Variants in CHL1 observed in about 807,000 individuals in gnomAD.
CHL1 encodes cell adhesion molecule L1 like, also known as neural cell adhesion molecule L1-like protein.
Under a neutral mutation model 141.9 loss-of-function variants are expected in CHL1, and 96 were observed. The observed-to-expected ratio is 0.68, with a 90% CI of 0.57 to 0.80. The LOEUF is 0.80. CHL1 is among the 30% of genes least tolerant of loss of function. The pLI, the probability that CHL1 is intolerant of heterozygous loss-of-function variation, is 0.00. For synonymous variants in CHL1, 613 were observed against 502.2 expected (o/e 1.22, Z -2.95); for missense variants, 1,820 against 1,457.2 (o/e 1.25, Z -4.05).
At chr3:267,849 A>C (rs1695289571) in intron 2 of CHL1, among the ~76,000 whole-genome samples, 1 of 152,236 alleles carries the variant, frequency 6.6e-6, no homozygotes, top group Non-Finnish European at 1.5e-5. Context: ...ATATAAAGCA[A>C]ATTAAGAAGC....
At chr3:198,341 G>T (rs1442338270) in intron 1 of CHL1, among the ~76,000 whole-genome samples, 2 of 151,910 alleles carry the variant, frequency 1.3e-5, no homozygotes, top group Non-Finnish European at 2.9e-5. Context: ...TGCCAGGCGC[G>T]TGCGCGAGGG....
At position 391,791 on chromosome 3, in the gene CHL1, C is replaced by T; in HGVS notation, c.2908C>T (p.Gln970Ter). The T allele has an allele frequency of 6.3e-7, 1 of 1,578,862 alleles. No individual in the cohort carries two copies. The highest frequency in any genetic ancestry group is 8.6e-7 in the Non-Finnish European group (1 of 1,164,798). ...CTTAACTGGCTATCTTTTGCAATATCAGATAAGTAAGTAGAAATTTGAATT... is the reference window on the plus strand; with the variant it reads ...CTTAACTGGCTATCTTTTGCAATATTAGATAAGTAAGTAGAAATTTGAATT... Reference protein sequence around the residue: ...GNLTGYLLQYQIINDTYEIGE... With the variant: ...GNLTGYLLQY Residue 970 changes from glutamine (Q) to a stop codon, truncating the protein, a stop_gained, in exon 23 of 28, where the codon CAG becomes TAG. Coordinates refer to ENST00000256509, the MANE Select transcript of CHL1 (RefSeq NM_006614.4). LOFTEE classifies it high-confidence loss of function.
intron 3 of CHL1, among the ~76,000 whole-genome samples, chr3:322,289 C>A (rs1177501489): frequency 7.2e-6 from 1 of 139,528 alleles, no homozygotes; most frequent in Non-Finnish European, 1.5e-5. Context: ...ATTTATCGGG[C>A]AATAATGAAA....
chr3:206,740 C>T (rs1699478411), intron 1 of CHL1, among the ~76,000 whole-genome samples: 1 of 152,174 alleles, frequency 6.6e-6, no homozygotes, highest in Admixed American at 6.5e-5. Context: ...AATGGTCTGA[C>T]TCTTCCTGTA....
intron 1 of CHL1, among the ~76,000 whole-genome samples, chr3:206,666 G>A (rs1042035877): frequency 1.2e-4 from 19 of 152,252 alleles, no homozygotes; most frequent in Admixed American, 1.0e-3. Flanking sequence ...TTTGAGCCCA[G>A]GAGTTGGAGG....
intron 15 of CHL1, among the ~76,000 whole-genome samples, chr3:370,679 T>A (rs9871089): frequency 0.32 from 48,294 of 151,944 alleles, 8,081 homozygotes; most frequent in East Asian, 0.43. Context: ...GCCTCTCTGG[T>A]TCTTTTAATT....
chr3:228,997 G>C (rs1466647612), intron 1 of CHL1, among the ~76,000 whole-genome samples: 1 of 151,998 alleles, frequency 6.6e-6, no homozygotes, highest in Non-Finnish European at 1.5e-5. Flanking sequence ...TTAATACATT[G>C]TGCAGCCTAA....
chr3:259,796 T>C (rs991279393), intron 2 of CHL1, among the ~76,000 whole-genome samples: 2 of 152,230 alleles, frequency 1.3e-5, no homozygotes, highest in African/African-American at 4.8e-5. Context: ...GGGATGTGAT[T>C]GCATATTCAG....
Position 391,664 on chromosome 3 carries a change from G to C in CHL1, c.2792-11G>C. On this transcript the variant is annotated splice_polypyrimidine_tract_variant and intron_variant, in intron 22 of 27. Coordinates refer to ENST00000256509, the MANE Select transcript of CHL1 (RefSeq NM_006614.4). ...TTGATGTGAGTTTATTTTTGGTCTT[G>C]TGTTTTCTAGTACCTGAACAGCCAA... 6.3e-7 allele frequency: 1 copy of C among 1,585,106 alleles called. No homozygotes were observed. Among genetic ancestry groups the C allele is most frequent in the African/African-American group, 1.4e-5 (1 of 73,504 alleles).
chr3:376,528 A>G (rs559103535), intron 15 of CHL1: 13 of 423,070 alleles, frequency 3.1e-5, no homozygotes, highest in Admixed American at 1.0e-4. Flanking sequence ...AACAAGGCAT[A>G]GTGCAACCAT....
chr3:305,735 G>C (rs748770251), intron 2 of CHL1, among the ~76,000 whole-genome samples: 1 of 151,524 alleles, frequency 6.6e-6, no homozygotes. Context: ...ATGTCTGGAA[G>C]TGTTCATATC....
At chr3:231,016 C>T (rs1199558102) in intron 1 of CHL1, among the ~76,000 whole-genome samples, 1 of 152,146 alleles carries the variant, frequency 6.6e-6, no homozygotes. Flanking sequence ...GGGTTAAGAA[C>T]CCTTAACCTG....
intron 1 of CHL1, among the ~76,000 whole-genome samples, chr3:198,583 G>A (rs1030156534): frequency 6.6e-6 from 1 of 152,172 alleles, no homozygotes; most frequent in African/African-American, 2.4e-5. Flanking sequence ...TCTATACTGG[G>A]TTGTTGCAAG....
chr3:303,075 G>T (rs114002754), intron 2 of CHL1, among the ~76,000 whole-genome samples: 7,356 of 152,118 alleles, frequency 0.048, 238 homozygotes, highest in Non-Finnish European at 0.073. Flanking sequence ...TATTTCTGAG[G>T]CCTCCATTCT....
intron 24 of CHL1, among the ~76,000 whole-genome samples, chr3:395,860 G>T (rs1003138509): frequency 6.6e-6 from 1 of 152,040 alleles, no homozygotes; most frequent in Non-Finnish European, 1.5e-5. Context: ...CATCACAGAG[G>T]GGAAAAATAG....
At chr3:280,529 T>G (rs1206831522) in intron 2 of CHL1, among the ~76,000 whole-genome samples, 1 of 152,180 alleles carries the variant, frequency 6.6e-6, no homozygotes, top group East Asian at 1.9e-4. Context: ...ACAATTTTAT[T>G]ACTGGTAAAG....
chr3:408,540 A>T lies in CHL1; in HGVS notation c.*2829A>T, dbSNP rs915389891. ...TTTTATGAAGAAAAATTTGAAAATG[A>T]TAAAAGCTAAGATGCCTTCTAACTT... is the stretch of plus-strand genomic sequence containing the variant. On this transcript the variant is annotated 3_prime_UTR_variant, in exon 28 of 28. Transcript: ENST00000256509. The T allele has an allele frequency of 1.3e-5, 2 of 152,166 alleles. No homozygotes were observed. Among genetic ancestry groups the T allele is most frequent in the African/African-American group, 4.8e-5 (2 of 41,458 alleles). The allele number at this position is 152,166 out of a possible 1,614,324, so 9.4% of individuals were successfully genotyped here.
intron 3 of CHL1, among the ~76,000 whole-genome samples, chr3:321,115 T>C (rs1468353465): frequency 2.0e-5 from 3 of 152,098 alleles, no homozygotes; most frequent in Non-Finnish European, 4.4e-5. Context: ...TAATATAATG[T>C]ATTTAAAAAC....
At chr3:285,225 T>G (rs913732659) in intron 2 of CHL1, among the ~76,000 whole-genome samples, 2 of 152,216 alleles carry the variant, frequency 1.3e-5, no homozygotes, top group Admixed American at 1.3e-4. Flanking sequence ...GATACAGAAT[T>G]CTGTAAAGGG....
Sources: allele counts gnomAD v4.1 joint callset (sites outside exome capture counted in the v4.1 genomes callset), GRCh38; gene constraint gnomAD v4.1.1; transcripts MANE v1.5; gene names NCBI Gene and HGNC (gene_info 2026-07-23, HGNC 2026-07-21).